Variants in MSRA observed in about 807,000 individuals in gnomAD.
The protein encoded by MSRA is mitochondrial peptide methionine sulfoxide reductase.
Under a neutral mutation model 31.3 loss-of-function variants are expected in MSRA, and 54 were observed. The observed-to-expected ratio is 1.73, with a 90% confidence interval of 1.39 to 2.17. MSRA has a LOEUF of 2.17. Among genes scored for constraint, MSRA ranks in the 30% most tolerant of loss-of-function variants. MSRA has a pLI of 0.00. For synonymous variants in MSRA, 169 were observed against 116.5 expected, an observed-to-expected ratio of 1.45 and a Z score of -2.90; for missense variants, 507 against 300.9, an observed-to-expected ratio of 1.69 and a Z score of -5.07.
At chr8:10,107,044 A>T (rs978025273) in intron 1 of MSRA, among the ~76,000 whole-genome samples, 4 of 152,164 alleles carry the variant, frequency 2.6e-5, no homozygotes, top group African/African-American at 9.7e-5. Context: ...TGATGAGGCC[A>T]CATCATGGAT....
chr8:10,087,265 G>A (rs1268173382), intron 1 of MSRA, among the ~76,000 whole-genome samples: 1 of 152,162 alleles, frequency 6.6e-6, no homozygotes, highest in African/African-American at 2.4e-5. Context: ...CTCATGAACA[G>A]GTTGTTTCCT....
At chr8:10,088,261 G>A (rs930057069) in intron 1 of MSRA, among the ~76,000 whole-genome samples, 1 of 152,172 alleles carries the variant, frequency 6.6e-6, no homozygotes, top group African/African-American at 2.4e-5. Flanking sequence ...AGCCATTATG[G>A]AAAACAGCAT....
chr8:10,372,803 C>T (rs1163852221), intron 5 of MSRA, among the ~76,000 whole-genome samples: 2 of 152,192 alleles, frequency 1.3e-5, no homozygotes, highest in East Asian at 3.8e-4. Flanking sequence ...ACAACTAAAA[C>T]CAGTCTAGAA....
chr8:10,083,494 C>T (rs957679859), intron 1 of MSRA, among the ~76,000 whole-genome samples: 1 of 152,166 alleles, frequency 6.6e-6, no homozygotes, highest in African/African-American at 2.4e-5. Context: ...TCTATTGATG[C>T]ACTTAAAGTT....
chr8:10,142,295 C>T (rs1802786974), intron 1 of MSRA, among the ~76,000 whole-genome samples: 1 of 151,984 alleles, frequency 6.6e-6, no homozygotes, highest in African/African-American at 2.4e-5. Flanking sequence ...TCAGAAACTT[C>T]TCTAGGCCAA....
chr8:10,331,899 A>G lies in MSRA; in HGVS notation c.543+11910A>G, dbSNP rs762216731. Among the ~76,000 whole-genome samples the G allele has an allele frequency of 5.9e-5, 9 of 152,144 alleles. No homozygotes were observed. In the East Asian group the frequency reaches 1.3e-3, roughly 23 times the overall value. ...TATTGTTTTTATTCATTTATTTATA[A>G]TAATTTTGATCTGTGGTTGGATGAA... On this transcript the variant is annotated intron_variant, in intron 5 of 5. Coordinates refer to ENST00000317173, the MANE Select transcript of MSRA (RefSeq NM_012331.5).
intron 1 of MSRA, among the ~76,000 whole-genome samples, chr8:10,055,241 C>T (rs942001894): frequency 4.6e-5 from 7 of 152,204 alleles, no homozygotes; most frequent in African/African-American, 1.7e-4. Flanking sequence ...CTGCCGTATG[C>T]TGGGTCAGCT....
At chr8:10,321,979 T>G (rs1585464966) in intron 5 of MSRA, among the ~76,000 whole-genome samples, 1 of 152,380 alleles carries the variant, frequency 6.6e-6, no homozygotes, top group Non-Finnish European at 1.5e-5. Flanking sequence ...AGTATACTTG[T>G]ATTTCCATTC....
intron 1 of MSRA, among the ~76,000 whole-genome samples, chr8:10,137,757 G>GCCCTGC (rs1156671474): frequency 2.6e-5 from 4 of 152,142 alleles, no homozygotes; most frequent in African/African-American, 9.7e-5. Context: ...ATGGGTGCCT[G>GCCCTGC]CCCTGCCCCT....
At chr8:10,110,106 C>T (rs2129012897) in intron 1 of MSRA, among the ~76,000 whole-genome samples, 1 of 152,286 alleles carries the variant, frequency 6.6e-6, no homozygotes, top group East Asian at 1.9e-4. Context: ...ATTCACTGAG[C>T]CTCTGCCCAG....
At chr8:10,127,710 G>C (rs921969859) in intron 1 of MSRA, among the ~76,000 whole-genome samples, 2 of 152,204 alleles carry the variant, frequency 1.3e-5, no homozygotes, top group Non-Finnish European at 2.9e-5. Flanking sequence ...GGTTACCTTA[G>C]CTAACTTGAT....
At chr8:10,146,342 TA>T (rs1803145525) in intron 1 of MSRA, among the ~76,000 whole-genome samples, 1 of 151,978 alleles carries the variant, frequency 6.6e-6, no homozygotes, top group Non-Finnish European at 1.5e-5. Flanking sequence ...AACACAGAAA[TA>T]AAAGAAAGAC....
intron 5 of MSRA, among the ~76,000 whole-genome samples, chr8:10,325,503 ATCTC>A (rs199904943): frequency 2.0e-5 from 3 of 152,162 alleles, no homozygotes; most frequent in African/African-American, 4.8e-5. Flanking sequence ...GTAGATGTGT[ATCTC>A]TCTATGTCTT....
chr8:10,427,561 C>T (rs1017828829), intron 5 of MSRA, among the ~76,000 whole-genome samples: 1 of 152,192 alleles, frequency 6.6e-6, no homozygotes, highest in Non-Finnish European at 1.5e-5. Flanking sequence ...GACGTGCCAG[C>T]AGGGTCCTTC....
chr8:10,232,899 T>C (rs1315669021), intron 2 of MSRA, among the ~76,000 whole-genome samples: 1 of 152,260 alleles, frequency 6.6e-6, no homozygotes, highest in African/African-American at 2.4e-5. Flanking sequence ...TGATATGTTC[T>C]TTAAGTCTCT....
At chr8:10,367,089 G>A (rs1289019446) in intron 5 of MSRA, among the ~76,000 whole-genome samples, 1 of 152,158 alleles carries the variant, frequency 6.6e-6, no homozygotes, top group Non-Finnish European at 1.5e-5. Context: ...ATGCCGTTCT[G>A]AGCAGCTTGA....
At chr8:10,170,342 A>G (rs1805489493) in intron 1 of MSRA, among the ~76,000 whole-genome samples, 1 of 152,130 alleles carries the variant, frequency 6.6e-6, no homozygotes, top group African/African-American at 2.4e-5. Flanking sequence ...CTCTTATAAG[A>G]AAGGCCCCAG....
At chr8:10,403,428 C>G (rs941930527) in intron 5 of MSRA, among the ~76,000 whole-genome samples, 6 of 152,184 alleles carry the variant, frequency 3.9e-5, no homozygotes, top group Non-Finnish European at 8.8e-5. Context: ...GATCCCTTCT[C>G]CAGGGCCACA....
chr8:10,191,886 AAAC>A (rs945741930), intron 1 of MSRA, among the ~76,000 whole-genome samples: 3 of 152,330 alleles, frequency 2.0e-5, no homozygotes, highest in African/African-American at 7.2e-5. Flanking sequence ...TAGCAGTTTA[AAAC>A]AACACTCATT....
Sources: gnomAD v4.1 joint callset for allele counts (sites outside exome capture counted in the v4.1 genomes callset) on GRCh38, gnomAD v4.1.1 for gene constraint, MANE v1.5 for transcripts, NCBI Gene and HGNC (gene_info 2026-07-23, HGNC 2026-07-21) for gene names.